Variants in UNC5D observed in about 807,000 individuals in gnomAD.
UNC5D encodes netrin receptor UNC5D.
Under a neutral mutation model 105.4 loss-of-function variants are expected in UNC5D, and 39 were observed. The ratio of observed to expected loss-of-function variants is 0.37; its 90% CI spans 0.29 to 0.48. The LOEUF (loss-of-function observed/expected upper bound fraction) is 0.48, where lower values mean the gene tolerates loss of function less well. UNC5D is among the 20% of genes least tolerant of loss of function. The probability of loss-of-function intolerance (pLI) is 0.98; values close to 1 mark genes in which losing one functional copy is unlikely to be tolerated. For synonymous variants in UNC5D, 452 were observed against 450.4 expected, an observed-to-expected ratio of 1.00 and a Z score of -0.04; for missense variants, 991 against 1,202.4, an observed-to-expected ratio of 0.82 and a Z score of 2.60.
chr8:35,729,241 A>G (rs945625186), intron 10 of UNC5D, among the ~76,000 whole-genome samples: 4 of 152,154 alleles, frequency 2.6e-5, no homozygotes, highest in Admixed American at 1.3e-4. Context: ...CTCTTTCTCA[A>G]TTGTCCTCAC....
At chr8:35,598,864 C>T (rs115817192) in intron 4 of UNC5D, among the ~76,000 whole-genome samples, 1,863 of 152,100 alleles carry the variant, frequency 0.012, 50 homozygotes, top group African/African-American at 0.043. Context: ...TGAAGTTGGC[C>T]GGGTGCAATG....
intron 1 of UNC5D, among the ~76,000 whole-genome samples, chr8:35,247,379 T>A (rs2128806777): frequency 6.7e-6 from 1 of 148,836 alleles, no homozygotes; most frequent in Middle Eastern, 3.4e-3. Flanking sequence ...GCATTATAGA[T>A]TCGTTTTGTG....
At chr8:35,522,099 C>T (rs1212892289) in intron 1 of UNC5D, among the ~76,000 whole-genome samples, 1 of 152,186 alleles carries the variant, frequency 6.6e-6, no homozygotes, top group Non-Finnish European at 1.5e-5. Context: ...ACATGACACA[C>T]AACACCCACT....
intron 1 of UNC5D, among the ~76,000 whole-genome samples, chr8:35,418,673 A>C (rs1274865379): frequency 6.6e-6 from 1 of 152,196 alleles, no homozygotes; most frequent in South Asian, 2.1e-4. Flanking sequence ...CTCATTAAGG[A>C]AAGTTCCACC....
intron 1 of UNC5D, among the ~76,000 whole-genome samples, chr8:35,392,132 G>T (rs1170948065): frequency 6.6e-6 from 1 of 152,116 alleles, no homozygotes; most frequent in Non-Finnish European, 1.5e-5. Flanking sequence ...TCTTTCCAAA[G>T]GTTCTCTAGG....
chr8:35,728,248 CTCTT>C (rs1255452944), intron 10 of UNC5D, among the ~76,000 whole-genome samples: 1 of 151,962 alleles, frequency 6.6e-6, no homozygotes, highest in Non-Finnish European at 1.5e-5. Context: ...CTCCTTCTCT[CTCTT>C]TGCATCCTCC....
chr8:35,683,868 G>A (rs190690065), intron 5 of UNC5D, 141 bp downstream of exon 5: 40 of 745,752 alleles, frequency 5.4e-5, no homozygotes, highest in East Asian at 6.8e-5. Context: ...TGCCTCCCTC[G>A]TCTGGCAGGC....
intron 1 of UNC5D, among the ~76,000 whole-genome samples, chr8:35,433,847 C>CAAA (rs35220872): frequency 3.5e-5 from 3 of 86,594 alleles, no homozygotes; most frequent in Non-Finnish European, 7.5e-5. Flanking sequence ...GACCCTGTCT[C>CAAA]AAAAAAAAAA....
At chr8:35,361,238 T>G (rs1322825898) in intron 1 of UNC5D, among the ~76,000 whole-genome samples, 4 of 152,096 alleles carry the variant, frequency 2.6e-5, no homozygotes, top group African/African-American at 9.7e-5. Context: ...CCAGTTTACC[T>G]TATCTACTTT....
chr8:35,746,790 C>A (rs1468172399), intron 11 of UNC5D, among the ~76,000 whole-genome samples: 1 of 152,174 alleles, frequency 6.6e-6, no homozygotes, highest in Non-Finnish European at 1.5e-5. Context: ...AGCTTGTCAT[C>A]GGTCACTCAT....
At chr8:35,474,687 T>C (rs926284612) in intron 1 of UNC5D, among the ~76,000 whole-genome samples, 2 of 152,066 alleles carry the variant, frequency 1.3e-5, no homozygotes, top group African/African-American at 2.4e-5. Context: ...GATCCCTGAG[T>C]TCTGGATGGA....
At chr8:35,761,845 C>T (rs1174505516) in intron 14 of UNC5D, among the ~76,000 whole-genome samples, 1 of 152,086 alleles carries the variant, frequency 6.6e-6, no homozygotes, top group Non-Finnish European at 1.5e-5. Context: ...GATGTAAGCA[C>T]TTAGGGGAGG....
chr8:35,451,403 G>T (rs1173401463), intron 1 of UNC5D, among the ~76,000 whole-genome samples: 2 of 152,002 alleles, frequency 1.3e-5, no homozygotes, highest in African/African-American at 2.4e-5. Flanking sequence ...CATCTAATTA[G>T]CACATCATTA....
At chr8:35,355,422 GTTC>G (rs1801492134) in intron 1 of UNC5D, among the ~76,000 whole-genome samples, 1 of 152,064 alleles carries the variant, frequency 6.6e-6, no homozygotes, top group African/African-American at 2.4e-5. Context: ...TGCAGCTTCT[GTTC>G]TTCATTTTCC....
rs1280027942 is a variant in UNC5D at position 35,549,506 on chromosome 8, C to T, written c.318C>T (p.Ser106=). Residue 106 remains serine, a synonymous_variant, in exon 2 of 17, where the codon AGC becomes AGT. Coordinates refer to ENST00000404895, the MANE Select transcript of UNC5D (RefSeq NM_080872.4). ...TCTCTGAAGAGACTCTGGACGAGAG[C>T]TCAGGTAGGAGCGTGCAGCAGTCAG... The part of the protein sequence containing the change: ...EHVSEETLDE[S]SGLKVREVFI... 8 of 1,611,358 alleles carry T rather than the reference C, an allele frequency of 5.0e-6. No homozygotes were observed. In the East Asian group the frequency reaches 1.3e-4, roughly 27 times the overall value.
chr8:35,715,082 T>C (rs1370829930), intron 8 of UNC5D, among the ~76,000 whole-genome samples: 3 of 152,110 alleles, frequency 2.0e-5, no homozygotes, highest in East Asian at 1.9e-4. Context: ...ACCCAGGAGA[T>C]GGAAGTTGCG....
intron 1 of UNC5D, among the ~76,000 whole-genome samples, chr8:35,298,448 G>GA (rs1320147193): frequency 6.6e-6 from 1 of 152,154 alleles, no homozygotes; most frequent in Non-Finnish European, 1.5e-5. Context: ...GTGTGTTGGA[G>GA]ATGGGGGATG....
At chr8:35,347,257 T>A (rs1254173747) in intron 1 of UNC5D, among the ~76,000 whole-genome samples, 5 of 152,156 alleles carry the variant, frequency 3.3e-5, no homozygotes, top group Middle Eastern at 3.4e-3. Context: ...CATGAGCCAA[T>A]AATCTACCCA....
chr8:35,525,451 T>C (rs1813798542), intron 1 of UNC5D: 11 of 1,612,260 alleles, frequency 6.8e-6, no homozygotes, highest in African/African-American at 1.3e-5. Flanking sequence ...CCAGCACTGA[T>C]TGCATAGGCC....
Sources: gnomAD v4.1 joint callset for allele counts (sites outside exome capture counted in the v4.1 genomes callset) on GRCh38, gnomAD v4.1.1 for gene constraint, MANE v1.5 for transcripts, NCBI Gene and HGNC (gene_info 2026-07-23, HGNC 2026-07-21) for gene names.